The following PDIA5 variants were observed in gnomAD, a reference collection of about 807,000 sequenced individuals.
PDIA5 encodes the protein protein disulfide isomerase family A member 5.
PDIA5 carries 58 observed loss-of-function variants against 77.6 expected under a neutral mutation model. The ratio of observed to expected loss-of-function variants is 0.75; its 90% CI spans 0.61 to 0.93. The LOEUF (loss-of-function observed/expected upper bound fraction) is 0.93, where lower values mean the gene tolerates loss of function less well. Ranked by LOEUF, PDIA5 falls within the 40% of genes least tolerant of loss-of-function variation. The pLI, the probability that PDIA5 is intolerant of heterozygous loss-of-function variation, is 0.00. For synonymous variants in PDIA5, 250 were observed against 252.1 expected, an observed-to-expected ratio of 0.99 and a Z score of 0.08; for missense variants, 630 against 647.7, an observed-to-expected ratio of 0.97 and a Z score of 0.30.
chr3:123,084,529 G>A (rs959591897), intron 1 of PDIA5, among the ~76,000 whole-genome samples: 1 of 151,994 alleles, frequency 6.6e-6, no homozygotes, highest in African/African-American at 2.4e-5. Context: ...CCGGTCCGTG[G>A]GGACTTCATT....
At chr3:123,089,900 C>A (rs926247997) in intron 2 of PDIA5, among the ~76,000 whole-genome samples, 2 of 152,238 alleles carry the variant, frequency 1.3e-5, no homozygotes, top group African/African-American at 4.8e-5. Context: ...AAGGACATAG[C>A]AGATGGAGAG....
chr3:123,138,773 C>T (rs1935554774), intron 11 of PDIA5, among the ~76,000 whole-genome samples: 1 of 152,128 alleles, frequency 6.6e-6, no homozygotes, highest in Non-Finnish European at 1.5e-5. Context: ...CGTATTTCTG[C>T]TGGCATTTGT....
At chr3:123,068,290 T>C (rs1933632315) in intron 1 of PDIA5, among the ~76,000 whole-genome samples, 1 of 152,032 alleles carries the variant, frequency 6.6e-6, no homozygotes, top group Non-Finnish European at 1.5e-5. Flanking sequence ...AAAGTGTGGG[T>C]TGAGTTGCTT....
chr3:123,161,530 A>G (rs1375440996), intron 16 of PDIA5, 75 bp downstream of exon 16: 66 of 1,468,204 alleles, frequency 4.5e-5, no homozygotes, highest in Non-Finnish European at 5.8e-5. Context: ...GAGGAGGGGC[A>G]GCACTGGGCA....
intron 1 of PDIA5, among the ~76,000 whole-genome samples, chr3:123,082,248 C>T (rs866792325): frequency 9.9e-5 from 15 of 152,150 alleles, no homozygotes; most frequent in Non-Finnish European, 1.6e-4. Flanking sequence ...TTGTGTTGTG[C>T]CATCTGTTGC....
chr3:123,095,275 GT>G (rs1377734749), intron 3 of PDIA5, among the ~76,000 whole-genome samples: 2 of 152,194 alleles, frequency 1.3e-5, no homozygotes, highest in African/African-American at 4.8e-5. Context: ...TCCTAGTGTT[GT>G]TTTTCATCTA....
chr3:123,112,929 C>T (rs1371627756), intron 7 of PDIA5, among the ~76,000 whole-genome samples: 2 of 152,140 alleles, frequency 1.3e-5, no homozygotes, highest in African/African-American at 4.8e-5. Flanking sequence ...CTCGCTGGCC[C>T]CAGGGCTGTG....
intron 10 of PDIA5, among the ~76,000 whole-genome samples, chr3:123,127,129 C>G (rs911458362): frequency 3.3e-5 from 5 of 152,190 alleles, no homozygotes; most frequent in African/African-American, 1.2e-4. Context: ...ACTCGTAATG[C>G]TTAGAGTTGC....
At chr3:123,154,447 G>T (rs183563398) in intron 14 of PDIA5, among the ~76,000 whole-genome samples, 19 of 152,304 alleles carry the variant, frequency 1.2e-4, no homozygotes, top group Non-Finnish European at 2.5e-4. Flanking sequence ...AGTCTGGGCT[G>T]GGTGGAGGTT....
intron 15 of PDIA5, 136 bp downstream of exon 15, chr3:123,155,177 C>T: frequency 1.5e-6 from 1 of 686,600 alleles, no homozygotes; most frequent in South Asian, 1.6e-5. Flanking sequence ...GGAACCAGGA[C>T]ATTCTCTTTA....
intron 4 of PDIA5, 120 bp from the exon 5 acceptor site, chr3:123,102,631 T>TA (rs1934631791): frequency 7.3e-6 from 6 of 818,912 alleles, no homozygotes; most frequent in African/African-American, 1.7e-5. Context: ...TTATTTCTTT[T>TA]AAAAAAAAAT....
intron 14 of PDIA5, among the ~76,000 whole-genome samples, chr3:123,152,059 TCC>T (rs1935923830): frequency 3.2e-5 from 4 of 124,052 alleles, no homozygotes; most frequent in East Asian, 2.4e-4. Flanking sequence ...CTGCCTTCCT[TCC>T]TGCCTGCCTT....
At chr3:123,075,700 TA>T (rs1332956780) in intron 1 of PDIA5, among the ~76,000 whole-genome samples, 2 of 152,068 alleles carry the variant, frequency 1.3e-5, no homozygotes, top group African/African-American at 2.4e-5. Flanking sequence ...AGAGAGTTTT[TA>T]AAAGATGGGT....
intron 15 of PDIA5, among the ~76,000 whole-genome samples, chr3:123,160,170 T>A (rs1261522093): frequency 2.6e-5 from 4 of 152,186 alleles, no homozygotes; most frequent in African/African-American, 4.8e-5. Context: ...GTGTGTTGCC[T>A]GGTAGGAGGA....
At chr3:123,096,181 C>T (rs1321275666) in intron 3 of PDIA5, among the ~76,000 whole-genome samples, 1 of 151,924 alleles carries the variant, frequency 6.6e-6, no homozygotes, top group Non-Finnish European at 1.5e-5. Context: ...CAGGACTCCC[C>T]CTGCACCGCC....
intron 15 of PDIA5, among the ~76,000 whole-genome samples, chr3:123,160,232 A>G (rs996737020): frequency 2.0e-5 from 3 of 152,172 alleles, no homozygotes; most frequent in South Asian, 2.1e-4. Context: ...TGTACTGGGT[A>G]TGGCCATTGA....
At chr3:123,078,469 G>A (rs116346052) in intron 1 of PDIA5, among the ~76,000 whole-genome samples, 1,896 of 152,182 alleles carry the variant, frequency 0.012, 38 homozygotes, top group African/African-American at 0.043. Context: ...TTATAGAGGA[G>A]TTGCAAAAAG....
intron 3 of PDIA5, among the ~76,000 whole-genome samples, chr3:123,094,591 C>T (rs1487939288): frequency 1.3e-5 from 2 of 152,234 alleles, no homozygotes; most frequent in Non-Finnish European, 2.9e-5. Context: ...TGACAGCTCT[C>T]GCAGTTTTCC....
Position 123,146,199 on chromosome 3 carries a change from GAGAGAAATACGC to G in PDIA5, c.1085_1096del (p.Glu362_Ala365del). ...CCTACGTTGAAGTATTTTAAGAATG[GAGAGAAATACGC>G]AGTGCCTGTGCTCAGGACAAAGAAG... On this transcript the variant is annotated inframe_deletion, in exon 13 of 17. Transcript: ENST00000316218. 6.2e-7 allele frequency: 1 copy of G among 1,613,984 alleles called. No homozygotes were observed. Among genetic ancestry groups the G allele is most frequent in the Non-Finnish European group, 8.5e-7 (1 of 1,179,820 alleles).
Sources: allele counts gnomAD v4.1 joint callset (sites outside exome capture counted in the v4.1 genomes callset), GRCh38; gene constraint gnomAD v4.1.1; transcripts MANE v1.5; gene names NCBI Gene and HGNC (gene_info 2026-07-23, HGNC 2026-07-21).